DSCAM: variants seen among roughly 807,000 people sequenced by gnomAD.
DSCAM encodes the protein DS cell adhesion molecule, also known as cell adhesion molecule DSCAM.
DSCAM carries 47 observed loss-of-function variants against 217.7 expected under a neutral mutation model. The ratio of observed to expected loss-of-function variants is 0.22; its 90% CI spans 0.17 to 0.28. DSCAM has a LOEUF of 0.28. Ranked by LOEUF, DSCAM falls within the 10% of genes least tolerant of loss-of-function variation. DSCAM has a pLI of 1.00. For missense variants in DSCAM, 2,080 were observed against 2,618.3 expected (o/e 0.79, Z 4.49); for synonymous variants, 1,056 against 1,015.3 (o/e 1.04, Z -0.76).
chr21:40,204,996 T>C (rs1321258917), intron 11 of DSCAM, among the ~76,000 whole-genome samples: 1 of 152,186 alleles, frequency 6.6e-6, no homozygotes, highest in Non-Finnish European at 1.5e-5. Context: ...GTGTCTTCTG[T>C]TTATGTCAGT....
intron 27 of DSCAM, among the ~76,000 whole-genome samples, chr21:40,066,534 C>T (rs1253471556): frequency 5.3e-5 from 8 of 152,138 alleles, no homozygotes; most frequent in Admixed American, 6.5e-5. Context: ...CTGAGAAAGA[C>T]GCTGGTAATT....
Position 40,780,413 on chromosome 21 carries a change from GTGTGTGTGTGTA to G in DSCAM, c.43+66194_43+66205del, listed in dbSNP as rs1316545576. Among the ~76,000 whole-genome samples the G allele has an allele frequency of 5.0e-3, 226 of 45,122 alleles. 2 individuals carry two copies. Among genetic ancestry groups the G allele is most frequent in the African/African-American group, 0.031 (201 of 6,416 alleles). 29.6% of individuals were successfully genotyped at this position (45,122 alleles called of 152,430 possible). A position where few individuals can be genotyped will look rare whatever the true frequency, so the allele number is the denominator to read the frequency against. On this transcript the variant is annotated intron_variant, in intron 1 of 32. Transcript: ENST00000400454. ...CAAATATAAACGTGTGTGTGTGTGT[GTGTGTGTGTGTA>G]TATATATATATATATATATATATCT...
In DSCAM at chr21:40,636,402, G is replaced by A. The variant is rs1312058596; in HGVS notation, c.508+56408C>T. Among the ~76,000 whole-genome samples the A allele has an allele frequency of 3.9e-5, 6 of 152,084 alleles. No individual in the cohort carries two copies. The East Asian group carries it at 1.2e-3, about 29-fold the overall frequency. On this transcript the variant is annotated intron_variant, in intron 3 of 32. Transcript: ENST00000400454. ...GGAGAGAGAGAGAAAGAAAGAGAGG[G>A]AAGAAGGAAGGGGGTGGTTCACTGC...
intron 11 of DSCAM, among the ~76,000 whole-genome samples, chr21:40,205,714 T>C (rs2146866907): frequency 6.6e-6 from 1 of 151,574 alleles, no homozygotes; most frequent in Admixed American, 6.6e-5. Context: ...GTATTAAAAA[T>C]ATCTCCTTGA....
chr21:40,065,752 G>C (rs2089197644), intron 27 of DSCAM, among the ~76,000 whole-genome samples: 1 of 152,102 alleles, frequency 6.6e-6, no homozygotes, highest in African/African-American at 2.4e-5. Flanking sequence ...TCACTTATTA[G>C]TCAGCATCCT....
chr21:40,474,284 C>A (rs995959681), intron 3 of DSCAM, among the ~76,000 whole-genome samples: 2 of 151,334 alleles, frequency 1.3e-5, no homozygotes, highest in East Asian at 1.9e-4. Flanking sequence ...CAGAGTGAGA[C>A]TCCGTCTTCA....
intron 3 of DSCAM, among the ~76,000 whole-genome samples, chr21:40,613,443 C>T (rs1456580803): frequency 1.3e-5 from 2 of 152,040 alleles, no homozygotes; most frequent in Non-Finnish European, 1.5e-5. Flanking sequence ...TTTTATATTC[C>T]TAATTCTTAA....
At chr21:40,731,043 T>G (rs1314336092) in intron 1 of DSCAM, among the ~76,000 whole-genome samples, 1 of 152,166 alleles carries the variant, frequency 6.6e-6, no homozygotes, top group East Asian at 1.9e-4. Context: ...CTCATACTTT[T>G]AAAGTATGAG....
intron 3 of DSCAM, among the ~76,000 whole-genome samples, chr21:40,563,658 GTTT>G (rs1402391290): frequency 3.4e-5 from 4 of 116,262 alleles, no homozygotes; most frequent in Non-Finnish European, 6.8e-5. Context: ...ATATGTTTAT[GTTT>G]GTTTATATAT....
intron 21 of DSCAM, among the ~76,000 whole-genome samples, chr21:40,092,181 A>C (rs1280910975): frequency 1.3e-5 from 2 of 152,160 alleles, no homozygotes; most frequent in Non-Finnish European, 2.9e-5. Flanking sequence ...CCTCTCATCA[A>C]ACCCTCCATA....
chr21:40,685,923 A>G (rs1245027024), intron 3 of DSCAM, among the ~76,000 whole-genome samples: 1 of 152,062 alleles, frequency 6.6e-6, no homozygotes, highest in Non-Finnish European at 1.5e-5. Flanking sequence ...CCATGGGAGG[A>G]AACTGAGGCA....
intron 1 of DSCAM, among the ~76,000 whole-genome samples, chr21:40,775,568 T>C (rs1419579243): frequency 3.9e-5 from 6 of 152,138 alleles, no homozygotes; most frequent in African/African-American, 1.4e-4. Context: ...TTACAACGGA[T>C]TCTGAGGCAC....
At chr21:40,358,830 T>C (rs1200120411) in intron 4 of DSCAM, among the ~76,000 whole-genome samples, 2 of 149,294 alleles carry the variant, frequency 1.3e-5, no homozygotes, top group Admixed American at 1.3e-4. Context: ...TTAAGAACTG[T>C]AGCATTTTCA....
chr21:40,012,975 G>T lies in DSCAM; in HGVS notation c.*59C>A, dbSNP rs1053771118. On this transcript the variant is annotated 3_prime_UTR_variant, in exon 33 of 33. Transcript: ENST00000400454. ...AATATTGGAATTCCGTAAAAAAAAG[G>T]TAGCTTTGATTGAATTGTTTGAATT... The T allele has an allele frequency of 8.3e-7, 1 of 1,210,754 alleles. No homozygotes were observed. Among genetic ancestry groups the T allele is most frequent in the Non-Finnish European group, 1.1e-6 (1 of 926,734 alleles). The allele number at this position is 1,210,754 out of a possible 1,614,324, so 75.0% of individuals were successfully genotyped here. A position where few individuals can be genotyped will look rare whatever the true frequency, so the allele number is the denominator to read the frequency against.
At chr21:40,558,625 C>T (rs2076691816) in intron 3 of DSCAM, among the ~76,000 whole-genome samples, 1 of 152,126 alleles carries the variant, frequency 6.6e-6, no homozygotes, top group Non-Finnish European at 1.5e-5. Context: ...TAGAGCAAGA[C>T]AGAAACATTG....
chr21:40,138,778 T>C (rs1336600707), intron 18 of DSCAM, among the ~76,000 whole-genome samples: 3 of 137,338 alleles, frequency 2.2e-5, no homozygotes, highest in African/African-American at 8.4e-5. Context: ...GTGCAGTGTA[T>C]GGGGGGTATG....
chr21:40,697,470 C>T (rs2090608260), intron 2 of DSCAM, among the ~76,000 whole-genome samples: 1 of 152,126 alleles, frequency 6.6e-6, no homozygotes, highest in Non-Finnish European at 1.5e-5. Context: ...AGTTTCAAGA[C>T]TTAGTTTAAG....
chr21:40,425,759 AAAG>A, intron 3 of DSCAM, among the ~76,000 whole-genome samples: 1 of 151,974 alleles, frequency 6.6e-6, no homozygotes, highest in South Asian at 2.1e-4. Flanking sequence ...GTATAATTCT[AAAG>A]AATATATTTA....
intron 11 of DSCAM, among the ~76,000 whole-genome samples, chr21:40,207,571 CT>C (rs1341563269): frequency 2.0e-5 from 3 of 152,166 alleles, no homozygotes; most frequent in African/African-American, 7.2e-5. Context: ...TTATAGGAGC[CT>C]TTAGGCACAA....
Sources: allele counts gnomAD v4.1 joint callset (sites outside exome capture counted in the v4.1 genomes callset), GRCh38; gene constraint gnomAD v4.1.1; transcripts MANE v1.5; gene names NCBI Gene and HGNC (gene_info 2026-07-23, HGNC 2026-07-21).